ADCY2: variants seen among roughly 807,000 people sequenced by gnomAD.
ADCY2 encodes the protein adenylate cyclase type 2.
In ADCY2, 31 loss-of-function variants were observed where a neutral mutation model predicts 125.2. The observed-to-expected ratio is 0.25, with a 90% confidence interval of 0.19 to 0.33. ADCY2 has a LOEUF of 0.33. Among genes scored for constraint, ADCY2 ranks in the 10% least tolerant of loss-of-function variants. The pLI is 1.00. For missense variants in ADCY2, 904 were observed against 1,418.2 expected, an observed-to-expected ratio of 0.64 and a Z score of 5.82; for synonymous variants, 512 against 548.4, an observed-to-expected ratio of 0.93 and a Z score of 0.93.
At chr5:7,428,287 G>A (rs986900190) in intron 2 of ADCY2, among the ~76,000 whole-genome samples, 1 of 152,182 alleles carries the variant, frequency 6.6e-6, no homozygotes, top group Non-Finnish European at 1.5e-5. Context: ...CTACCTCAGA[G>A]AGAATCAATG....
intron 3 of ADCY2, among the ~76,000 whole-genome samples, chr5:7,594,219 C>T (rs1210762932): frequency 1.3e-5 from 2 of 152,068 alleles, no homozygotes; most frequent in Non-Finnish European, 2.9e-5. Context: ...CACTGCAAAT[C>T]CAGACGAGAG....
At position 7,396,190 on chromosome 5, in the gene ADCY2, C is replaced by T. The variant is rs1379316000; in HGVS notation, c.-107C>T. 3 of 546,026 alleles carry T rather than the reference C, an allele frequency of 5.5e-6. No individual in the cohort carries two copies. Among genetic ancestry groups the T allele is most frequent in the Non-Finnish European group, 4.6e-6 (2 of 434,588 alleles). The allele number at this position is 546,026 out of a possible 1,614,324, so 33.8% of individuals were successfully genotyped here. ...GGCCCCTGCGCGCAGCTCCGGGTGC[C>T]GGCAGCCGGGCCGGCCGAGGCGGCG... On this transcript the variant is annotated 5_prime_UTR_variant, in exon 1 of 25. Transcript: ENST00000338316. This position sits in a 1 kb window ranked among gnomAD's most constrained non-coding sequence, Gnocchi z 5.7.
Position 7,757,467 on chromosome 5 carries a change from T to A in ADCY2, c.1975T>A (p.Ser659Thr), listed in dbSNP as rs1467023947. 6.2e-7 allele frequency: 1 copy of A among 1,613,912 alleles called. No individual in the cohort carries two copies. Among genetic ancestry groups the A allele is most frequent in the Non-Finnish European group, 8.5e-7 (1 of 1,179,934 alleles). The change falls in exon 16 of 25, where the codon TCT becomes ACT. Residue 659 changes from serine to threonine, a missense_variant. By Grantham distance (58) the Ser-to-Thr change is moderately conservative (BLOSUM62 1). Transcript: ENST00000338316. ...GQLLQCSKKA[S>T]PLLMWLLKSS... ...CTCCTAGCAATGCAGCAAAAAAGCC[T>A]CTCCCCTGCTCATGTGGCTTTTGAA...
Position 7,826,725 on chromosome 5 carries a change from G to T in ADCY2, c.3130G>T (p.Glu1044Ter). 1 of 1,613,806 alleles carries T rather than the reference G, an allele frequency of 6.2e-7. No homozygotes were observed. The highest frequency in any genetic ancestry group is 1.1e-5 in the South Asian group (1 of 90,992). ...TGVLDKIQVTEETSLVLQTLG... is the reference protein window; with the variant it reads ...TGVLDKIQVT ...GTGTTCCTGTGCCTTCTAGGTTACC[G>T]AGGAGACGAGCCTCGTCCTGCAGAC... Residue 1044 changes from glutamate to a stop codon, truncating the protein, a stop_gained, in exon 25 of 25, where the codon GAG (glutamate) becomes TAG (stop). Coordinates refer to ENST00000338316, the MANE Select transcript of ADCY2 (RefSeq NM_020546.3). LOFTEE classifies it high-confidence loss of function.
chr5:7,464,925 C>T (rs916706652), intron 2 of ADCY2, among the ~76,000 whole-genome samples: 11 of 152,104 alleles, frequency 7.2e-5, no homozygotes, highest in African/African-American at 2.7e-4. Context: ...TTAATGGACC[C>T]ACAGTTCTAT....
At chr5:7,698,170 G>A (rs945104629) in intron 6 of ADCY2, 77 bp from the exon 7 acceptor site, 37 of 1,573,218 alleles carry the variant, frequency 2.4e-5, no homozygotes, top group Admixed American at 1.2e-4. Flanking sequence ...CAGAGCTGGC[G>A]CTTGATGATA....
intron 15 of ADCY2, among the ~76,000 whole-genome samples, chr5:7,744,791 C>T (rs899453050): frequency 6.6e-6 from 1 of 152,158 alleles, no homozygotes; most frequent in Non-Finnish European, 1.5e-5. Context: ...TAATTAATAA[C>T]CTATTATAAA....
chr5:7,403,614 C>T (rs2111443862), intron 1 of ADCY2, among the ~76,000 whole-genome samples: 1 of 152,226 alleles, frequency 6.6e-6, no homozygotes, highest in Middle Eastern at 3.4e-3. Flanking sequence ...TTTCTATATG[C>T]TCAACTAATT....
intron 2 of ADCY2, among the ~76,000 whole-genome samples, chr5:7,512,303 T>C (rs1455013287): frequency 6.7e-6 from 1 of 149,062 alleles, no homozygotes; most frequent in African/African-American, 2.5e-5. Flanking sequence ...CTTTTTAACA[T>C]ATTGTTTTGA....
intron 4 of ADCY2, among the ~76,000 whole-genome samples, chr5:7,665,700 C>T (rs1739689359): frequency 6.6e-6 from 1 of 151,896 alleles, no homozygotes; most frequent in Non-Finnish European, 1.5e-5. Flanking sequence ...GACACTGGCT[C>T]GTTTCCTTCT....
intron 2 of ADCY2, among the ~76,000 whole-genome samples, chr5:7,452,950 T>C (rs888485974): frequency 6.6e-6 from 1 of 152,168 alleles, no homozygotes; most frequent in African/African-American, 2.4e-5. Context: ...AATGGGATTA[T>C]TTGTTTTTGT....
chr5:7,706,840 A>C lies in ADCY2; in HGVS notation c.1206A>C (p.Gln402His). The change falls in exon 8 of 25, where the codon CAA (glutamine) becomes CAC (histidine). Residue 402 changes from glutamine to histidine, a missense_variant. Gln to His is a conservative substitution (Grantham distance 24). This residue lies in a region of ADCY2 where 7 missense variants were observed against 45.2 expected (regional missense o/e 0.15). Coordinates refer to ENST00000338316, the MANE Select transcript of ADCY2 (RefSeq NM_020546.3). ...LCGVIGLQKW[Q>H]YDVWSHDVTL... is the part of the protein sequence containing the mutation. ...GCGTGATTGGTCTGCAGAAGTGGCA[A>C]TATGATGTGTGGTCACATGATGTGA... 6.2e-7 allele frequency: 1 copy of C among 1,614,216 alleles called. No individual in the cohort carries two copies. The highest frequency in any genetic ancestry group is 8.5e-7 in the Non-Finnish European group (1 of 1,180,038).
intron 2 of ADCY2, among the ~76,000 whole-genome samples, chr5:7,490,294 A>T (rs1261972292): frequency 6.6e-6 from 1 of 152,124 alleles, no homozygotes; most frequent in African/African-American, 2.4e-5. Flanking sequence ...ACTTTCCATG[A>T]TATTAAATTG....
chr5:7,780,796 C>T (rs1235011908), intron 18 of ADCY2, among the ~76,000 whole-genome samples: 1 of 149,766 alleles, frequency 6.7e-6, no homozygotes, highest in African/African-American at 2.4e-5. Flanking sequence ...TTTTTTACTC[C>T]ATCTGAAGTG....
chr5:7,428,795 T>C lies in ADCY2; in HGVS notation c.408+14025T>C, dbSNP rs148876413. ...TTAAGACATGGGTCAAAGGATACTA[T>C]GGGAAATTGACCCTGATAAGAAGGG... On this transcript the variant is annotated intron_variant, in intron 2 of 24. Transcript: ENST00000338316. 3.2e-3 allele frequency among the ~76,000 whole-genome samples: 481 copies of C among 152,284 alleles called. 1 individual carries two copies. Among genetic ancestry groups the C allele is most frequent in the African/African-American group, 0.011 (457 of 41,558 alleles).
At chr5:7,567,286 A>T (rs1004648608) in intron 3 of ADCY2, among the ~76,000 whole-genome samples, 1 of 152,204 alleles carries the variant, frequency 6.6e-6, no homozygotes, top group Admixed American at 6.5e-5. Context: ...GAACAAGTAG[A>T]ATTAGTTTAA....
intron 15 of ADCY2, among the ~76,000 whole-genome samples, chr5:7,751,216 AACTC>A (rs1453267890): frequency 1.3e-5 from 2 of 152,072 alleles, no homozygotes; most frequent in Admixed American, 1.3e-4. Flanking sequence ...TTTCCTTAAC[AACTC>A]ACTCATTCAT....
intron 4 of ADCY2, chr5:7,653,885 C>G (rs1561146883): frequency 4.1e-6 from 1 of 244,584 alleles, no homozygotes; most frequent in East Asian, 9.8e-5. Context: ...ATTATAAATT[C>G]TTACCACTCC....
intron 5 of ADCY2, 95 bp downstream of exon 5, chr5:7,690,934 T>C: frequency 7.6e-7 from 1 of 1,319,500 alleles, no homozygotes; most frequent in South Asian, 1.9e-5. Flanking sequence ...CCATCTCTCC[T>C]TTGTGACAGT....
Sources: gnomAD v4.1 joint callset for allele counts (sites outside exome capture counted in the v4.1 genomes callset) on GRCh38, gnomAD v4.1.1 for gene constraint, gnomAD v4.1.1 regional missense constraint, Gnocchi (gnomAD v3.1) non-coding constraint, MANE v1.5 for transcripts, NCBI Gene and HGNC (gene_info 2026-07-23, HGNC 2026-07-21) for gene names.